Variants in COL19A1 observed in about 807,000 individuals in gnomAD.
COL19A1 encodes the protein collagen alpha-1(XIX) chain.
A neutral mutation model predicts 190.2 loss-of-function variants in COL19A1; 159 were observed. The observed-to-expected ratio is 0.84, with a 90% confidence interval of 0.73 to 0.95. The LOEUF (loss-of-function observed/expected upper bound fraction) is 0.95, where lower values mean the gene tolerates loss of function less well. Ranked by LOEUF, COL19A1 falls within the 40% of genes least tolerant of loss-of-function variation. The probability of loss-of-function intolerance (pLI) is 0.00; values close to 1 mark genes in which losing one functional copy is unlikely to be tolerated. For synonymous variants in COL19A1, 509 were observed against 458.9 expected (o/e 1.11, Z -1.39); for missense variants, 1,418 against 1,431.9 (o/e 0.99, Z 0.16).
chr6:70,105,955 T>C (rs1783933968), intron 16 of COL19A1, among the ~76,000 whole-genome samples: 1 of 152,224 alleles, frequency 6.6e-6, no homozygotes, highest in South Asian at 2.1e-4. Flanking sequence ...AGGGAGACTT[T>C]ATTCTAGTCA....
intron 36 of COL19A1, among the ~76,000 whole-genome samples, chr6:70,163,663 T>A (rs960299155): frequency 6.6e-6 from 1 of 152,160 alleles, no homozygotes; most frequent in Non-Finnish European, 1.5e-5. Flanking sequence ...TGGGCAACCA[T>A]CTATGTGGAA....
At position 70,182,273 on chromosome 6, in the gene COL19A1, G is replaced by A. The variant is rs147867638; in HGVS notation, c.2775+1750G>A. Among the ~76,000 whole-genome samples the A allele has an allele frequency of 3.5e-3, 540 of 152,302 alleles. 1 individual carries two copies. The highest frequency in any genetic ancestry group is 0.017 in the Middle Eastern group (5 of 294). ...TGGACTAATCTAGAGAAGTGTGAGGGAAAGAGACCAATCACAGCTGTGGTG... is the reference window on the plus strand; with the variant it reads ...TGGACTAATCTAGAGAAGTGTGAGGAAAAGAGACCAATCACAGCTGTGGTG... On this transcript the variant is annotated intron_variant, in intron 44 of 50. Coordinates refer to ENST00000620364, the MANE Select transcript of COL19A1 (RefSeq NM_001858.6).
rs1242998794 is a variant in COL19A1 at position 70,141,008 on chromosome 6, A to C, written c.1482+19A>C. 1.2e-6 allele frequency: 2 copies of C among 1,604,042 alleles called. No homozygotes were observed. Among genetic ancestry groups the C allele is most frequent in the Non-Finnish European group, 1.7e-6 (2 of 1,172,400 alleles). Reference sequence around the variant, plus strand: ...AGATAGAGTAAGTAGATATTTTATCACTACCTTGGGTTTTCTACTTCATTG... The same window carrying C: ...AGATAGAGTAAGTAGATATTTTATCCCTACCTTGGGTTTTCTACTTCATTG... On this transcript the variant is annotated intron_variant, in intron 20 of 50. Coordinates refer to ENST00000620364, the MANE Select transcript of COL19A1 (RefSeq NM_001858.6).
At chr6:69,961,905 G>A (rs1774822424) in intron 10 of COL19A1, among the ~76,000 whole-genome samples, 1 of 151,994 alleles carries the variant, frequency 6.6e-6, no homozygotes, top group Admixed American at 6.6e-5. Flanking sequence ...CATATAATTA[G>A]TATAAATTTT....
At chr6:70,109,087 G>C (rs1784133388) in intron 16 of COL19A1, among the ~76,000 whole-genome samples, 2 of 152,068 alleles carry the variant, frequency 1.3e-5, no homozygotes, top group African/African-American at 4.8e-5. Context: ...ATAACTTACT[G>C]TCTGTGGTGA....
At chr6:70,049,621 A>G (rs1477850821) in intron 14 of COL19A1, among the ~76,000 whole-genome samples, 1 of 152,048 alleles carries the variant, frequency 6.6e-6, no homozygotes, top group Non-Finnish European at 1.5e-5. Flanking sequence ...TTTTCATCAA[A>G]AGTCCAAATT....
At chr6:70,102,741 C>A (rs545721816) in intron 16 of COL19A1, among the ~76,000 whole-genome samples, 1 of 152,184 alleles carries the variant, frequency 6.6e-6, no homozygotes, top group South Asian at 2.1e-4. Context: ...AAAAAATATT[C>A]AATTTCTTGT....
intron 2 of COL19A1, among the ~76,000 whole-genome samples, chr6:69,885,338 T>TAA (rs141001687): frequency 6.6e-6 from 1 of 152,084 alleles, no homozygotes; most frequent in Non-Finnish European, 1.5e-5. Context: ...GTGCTTCTTT[T>TAA]AAAAAAATTA....
chr6:70,169,093 A>G (rs1765346219), intron 40 of COL19A1, among the ~76,000 whole-genome samples: 1 of 151,850 alleles, frequency 6.6e-6, no homozygotes, highest in African/African-American at 2.4e-5. Flanking sequence ...GGAACTGTTT[A>G]TTTGCTTTAA....
chr6:70,061,863 C>T (rs1780849164), intron 14 of COL19A1, among the ~76,000 whole-genome samples: 2 of 152,012 alleles, frequency 1.3e-5, no homozygotes, highest in Admixed American at 1.3e-4. Flanking sequence ...ACACAACCTC[C>T]CTGCAATTAT....
intron 20 of COL19A1, 143 bp downstream of exon 20, chr6:70,141,132 T>G: frequency 1.4e-6 from 1 of 704,614 alleles, no homozygotes; most frequent in South Asian, 2.1e-5. Context: ...CTGTGATTTT[T>G]AACTCTTTTA....
At chr6:70,117,603 G>T (rs952689884) in intron 16 of COL19A1, among the ~76,000 whole-genome samples, 11 of 152,098 alleles carry the variant, frequency 7.2e-5, no homozygotes, top group Non-Finnish European at 1.6e-4. Flanking sequence ...ACGACATCAG[G>T]ATCTCTATCC....
At chr6:69,898,922 T>G in intron 2 of COL19A1, 26 bp from the exon 3 acceptor site, 1 of 1,435,822 alleles carries the variant, frequency 7.0e-7, no homozygotes, top group Non-Finnish European at 9.8e-7. Context: ...ATGCAAATCC[T>G]CTATGCTTTT....
At chr6:69,928,112 T>G in intron 5 of COL19A1, 80 bp downstream of exon 5, 1 of 1,554,726 alleles carries the variant, frequency 6.4e-7, no homozygotes. Context: ...GGTGCACAAA[T>G]TTGCGAGTAG....
intron 14 of COL19A1, among the ~76,000 whole-genome samples, 183 bp from the exon 15 acceptor site, chr6:70,068,240 G>T (rs190035738): frequency 3.0e-4 from 45 of 151,998 alleles, no homozygotes; most frequent in Non-Finnish European, 4.4e-5. Context: ...TAGCTACAAA[G>T]AAGCCAGTCA....
intron 1 of COL19A1, among the ~76,000 whole-genome samples, chr6:69,867,168 G>A (rs1366160704): frequency 6.6e-6 from 1 of 151,804 alleles, no homozygotes; most frequent in Non-Finnish European, 1.5e-5. Flanking sequence ...TAAGAGACGC[G>A]GGGTTCCGGT....
chr6:70,163,549 A>C (rs1389400362), intron 36 of COL19A1, among the ~76,000 whole-genome samples, 153 bp downstream of exon 36: 1 of 152,222 alleles, frequency 6.6e-6, no homozygotes, highest in Non-Finnish European at 1.5e-5. Flanking sequence ...TTGGAAGAAC[A>C]CAGGTCCAAA....
intron 14 of COL19A1, among the ~76,000 whole-genome samples, chr6:70,052,572 T>C (rs913281356): frequency 2.0e-5 from 3 of 152,210 alleles, no homozygotes; most frequent in Non-Finnish European, 2.9e-5. Context: ...GTCTATACTG[T>C]TGATTTTTCA....
chr6:69,901,274 A>G (rs556365714), intron 4 of COL19A1, among the ~76,000 whole-genome samples: 78 of 152,384 alleles, frequency 5.1e-4, no homozygotes, highest in Admixed American at 1.4e-3. Flanking sequence ...TTGAATTCTT[A>G]AAGGGAAATA....
Sources: gnomAD v4.1 joint callset for allele counts (sites outside exome capture counted in the v4.1 genomes callset) on GRCh38, gnomAD v4.1.1 for gene constraint, MANE v1.5 for transcripts, NCBI Gene and HGNC (gene_info 2026-07-23, HGNC 2026-07-21) for gene names.